BMPR1B: variants seen among roughly 807,000 people sequenced by gnomAD.
BMPR1B encodes bone morphogenetic protein receptor type-1B.
BMPR1B carries 12 observed loss-of-function variants against 59.1 expected under a neutral mutation model. The ratio of observed to expected loss-of-function variants is 0.20; its 90% CI spans 0.13 to 0.33. BMPR1B has a LOEUF of 0.33. BMPR1B is among the 10% of genes least tolerant of loss of function. BMPR1B has a pLI of 1.00. For synonymous variants in BMPR1B, 237 were observed against 207.3 expected, an observed-to-expected ratio of 1.14 and a Z score of -1.23; for missense variants, 550 against 610.9, an observed-to-expected ratio of 0.90 and a Z score of 1.05.
intron 2 of BMPR1B, among the ~76,000 whole-genome samples, chr4:94,964,238 G>A (rs1199313011): frequency 6.6e-6 from 1 of 151,960 alleles, no homozygotes; most frequent in Non-Finnish European, 1.5e-5. Flanking sequence ...AGAATTTTCA[G>A]GTTTTTCTAA....
At chr4:95,070,233 A>T (rs1486130030) in intron 3 of BMPR1B, among the ~76,000 whole-genome samples, 1 of 152,220 alleles carries the variant, frequency 6.6e-6, no homozygotes, top group Non-Finnish European at 1.5e-5. Context: ...CAGGTAAGAA[A>T]TGATGAGGGC....
At chr4:94,832,390 G>A (rs1332254311) in intron 1 of BMPR1B, among the ~76,000 whole-genome samples, 8 of 152,108 alleles carry the variant, frequency 5.3e-5, no homozygotes. Flanking sequence ...TATTATTACT[G>A]AAGTTAACTA....
chr4:95,131,234 C>T lies in BMPR1B; in HGVS notation c.798C>T (p.Ile266=). 6.2e-7 allele frequency: 1 copy of T among 1,613,838 alleles called. No individual in the cohort carries two copies. The highest frequency in any genetic ancestry group is 8.5e-7 in the Non-Finnish European group (1 of 1,179,886). The change falls in exon 10 of 13, where the codon ATC becomes ATT. Residue 266 remains isoleucine, a synonymous_variant. Coordinates refer to ENST00000515059, the MANE Select transcript of BMPR1B (RefSeq NM_001203.3). The stretch of plus-strand genomic sequence containing the variant: ...TTTTAGGTTTCATTGCTGCAGATAT[C>T]AAAGGGACAGGGTCCTGGACCCAGT... ...ENILGFIAAD[I]KGTGSWTQLY... is the part of the protein sequence containing the mutation.
At chr4:95,081,182 C>T (rs1159645532) in intron 3 of BMPR1B, among the ~76,000 whole-genome samples, 1 of 152,068 alleles carries the variant, frequency 6.6e-6, no homozygotes, top group African/African-American at 2.4e-5. Flanking sequence ...CCCTTTCCAC[C>T]TTGATTGTAA....
At chr4:94,810,388 A>C (rs1353237503) in intron 1 of BMPR1B, among the ~76,000 whole-genome samples, 2 of 152,202 alleles carry the variant, frequency 1.3e-5, no homozygotes, top group Non-Finnish European at 2.9e-5. Context: ...CAATGGTTGA[A>C]TAGATCATTT....
chr4:94,844,223 TTGTG>T (rs150471976), intron 1 of BMPR1B, among the ~76,000 whole-genome samples: 429 of 146,652 alleles, frequency 2.9e-3, no homozygotes, highest in Middle Eastern at 0.01. Flanking sequence ...TGAATCATCT[TTGTG>T]TGTGTGTGTG....
At chr4:94,908,061 TAAA>T (rs571793477) in intron 2 of BMPR1B, among the ~76,000 whole-genome samples, 5,402 of 46,262 alleles carry the variant, frequency 0.12, 507 homozygotes, top group African/African-American at 0.31. Flanking sequence ...ACCCTGTCTT[TAAA>T]AAAAAAAAAA....
chr4:94,831,709 G>T (rs1724597890), intron 1 of BMPR1B, among the ~76,000 whole-genome samples: 1 of 152,180 alleles, frequency 6.6e-6, no homozygotes, highest in East Asian at 1.9e-4. Context: ...CCAGTCTGGG[G>T]CCTGTAAGGA....
chr4:94,930,764 A>T (rs937082773), intron 2 of BMPR1B, among the ~76,000 whole-genome samples: 3 of 152,164 alleles, frequency 2.0e-5, no homozygotes, highest in Non-Finnish European at 2.9e-5. Flanking sequence ...AAGTAATTAA[A>T]TGTTTATCTC....
At chr4:94,932,492 A>G (rs778338959) in intron 2 of BMPR1B, among the ~76,000 whole-genome samples, 6 of 152,170 alleles carry the variant, frequency 3.9e-5, no homozygotes, top group African/African-American at 7.2e-5. Flanking sequence ...TTGCAAAATG[A>G]TATTTTTTTG....
intron 3 of BMPR1B, among the ~76,000 whole-genome samples, chr4:95,080,708 A>G (rs533758617): frequency 1.3e-5 from 2 of 152,276 alleles, no homozygotes; most frequent in South Asian, 2.1e-4. Flanking sequence ...GAACCAAACT[A>G]TATGTGTATT....
intron 1 of BMPR1B, among the ~76,000 whole-genome samples, chr4:94,860,029 C>T (rs1725916515): frequency 6.6e-6 from 1 of 152,130 alleles, no homozygotes; most frequent in South Asian, 2.1e-4. Context: ...TCTCCTTCCT[C>T]AGTGAAACTG....
chr4:95,019,572 G>A (rs896667315), intron 3 of BMPR1B, among the ~76,000 whole-genome samples: 11 of 152,220 alleles, frequency 7.2e-5, no homozygotes, highest in African/African-American at 2.6e-4. Flanking sequence ...TTGAAGTTTG[G>A]GGACTGGTCT....
chr4:94,787,293 C>G (rs994645462), intron 1 of BMPR1B, among the ~76,000 whole-genome samples: 5 of 152,124 alleles, frequency 3.3e-5, no homozygotes, highest in African/African-American at 1.2e-4. Context: ...GACTCAGGGC[C>G]TAATATGTTG....
At chr4:95,026,930 T>A (rs980958174) in intron 3 of BMPR1B, among the ~76,000 whole-genome samples, 3 of 151,760 alleles carry the variant, frequency 2.0e-5, no homozygotes, top group African/African-American at 7.3e-5. Context: ...GGCTAATTTT[T>A]TAAAAAAAAA....
chr4:95,109,798 G>A (rs779905060), intron 4 of BMPR1B, among the ~76,000 whole-genome samples: 5 of 151,270 alleles, frequency 3.3e-5, no homozygotes, highest in Non-Finnish European at 5.9e-5. Flanking sequence ...CCATGTTGGT[G>A]TGCTGCACCC....
At chr4:94,981,767 G>A (rs545392582) in intron 2 of BMPR1B, among the ~76,000 whole-genome samples, 7 of 152,234 alleles carry the variant, frequency 4.6e-5, no homozygotes, top group South Asian at 2.1e-4. Flanking sequence ...CCTGATAAAC[G>A]TATCTAAATG....
chr4:94,820,218 T>C (rs930130247), intron 1 of BMPR1B, among the ~76,000 whole-genome samples: 3 of 152,176 alleles, frequency 2.0e-5, no homozygotes, highest in African/African-American at 7.2e-5. Flanking sequence ...ACCTTGAATG[T>C]ATGGAGCAGA....
chr4:94,812,470 A>G (rs935230264), intron 1 of BMPR1B, among the ~76,000 whole-genome samples: 1 of 152,212 alleles, frequency 6.6e-6, no homozygotes, highest in Non-Finnish European at 1.5e-5. Flanking sequence ...TGGAGGAATT[A>G]TGGGATGTGC....
Sources: allele counts gnomAD v4.1 joint callset (sites outside exome capture counted in the v4.1 genomes callset), GRCh38; gene constraint gnomAD v4.1.1; transcripts MANE v1.5; gene names NCBI Gene and HGNC (gene_info 2026-07-23, HGNC 2026-07-21).